The following MX1 variants were observed in gnomAD, a reference collection of about 807,000 sequenced individuals.
MX1 encodes interferon-induced GTP-binding protein Mx1.
Under a neutral mutation model 66.4 loss-of-function variants are expected in MX1, and 66 were observed. The observed-to-expected ratio is 0.99, with a 90% CI of 0.82 to 1.22. The LOEUF (loss-of-function observed/expected upper bound fraction) is 1.22, where lower values mean the gene tolerates loss of function less well. MX1 is among the 50% of genes most tolerant of loss of function. MX1 has a pLI of 0.00. For synonymous variants in MX1, 311 were observed against 318.1 expected (o/e 0.98, Z 0.24); for missense variants, 787 against 834.3 (o/e 0.94, Z 0.70).
chr21:41,436,584 T>C (rs2090369053), intron 6 of MX1, among the ~76,000 whole-genome samples: 1 of 152,088 alleles, frequency 6.6e-6, no homozygotes, highest in African/African-American at 2.4e-5. Flanking sequence ...GTAGGAAGAA[T>C]ATGGAAGGAG....
upstream of MX1, among the ~76,000 whole-genome samples, chr21:41,422,527 C>G (rs1021424686): frequency 1.3e-5 from 2 of 152,234 alleles, no homozygotes; most frequent in South Asian, 2.1e-4. Flanking sequence ...AACAAAGCCT[C>G]TGAGTGTGAC....
rs1006613844 is a variant in MX1, at chr21:41,441,533, G to A, written c.731-183G>A. The stretch of plus-strand genomic sequence containing the variant: ...CTGGGAGGCATCCCTGCCTTCACGC[G>A]GCTTGTCGTGGAGTTCTTTTCTGGA... On this transcript the variant is annotated intron_variant, in intron 9 of 16. Coordinates refer to ENST00000398598, the MANE Select transcript of MX1 (RefSeq NM_002462.5). This position sits in a 1 kb window ranked among gnomAD's most constrained non-coding sequence, Gnocchi z 4.0. The A allele has an allele frequency of 4.0e-5, 25 of 631,074 alleles. No homozygotes were observed. The highest frequency in any genetic ancestry group is 2.8e-4 in the Admixed American group (10 of 36,208). 39.1% of individuals were successfully genotyped at this position (631,074 alleles called of 1,614,324 possible). A position where few individuals can be genotyped will look rare whatever the true frequency, so the allele number is the denominator to read the frequency against.
In MX1 at chr21:41,437,033, C is replaced by G. The variant is rs906108024; in HGVS notation, c.317C>G (p.Pro106Arg). 6.2e-7 allele frequency: 1 copy of G among 1,613,754 alleles called. No individual in the cohort carries two copies. Among genetic ancestry groups the G allele is most frequent in the Admixed American group, 1.7e-5 (1 of 59,990 alleles). ...CTCCTAGGGATCGTGACCAGATGCC[C>G]GCTGGTGCTGAAACTGAAGAAACTT... ...PRGSGIVTRCPLVLKLKKLVN... is the reference protein window; with the variant it reads ...PRGSGIVTRCRLVLKLKKLVN... Residue 106 changes from proline (P) to arginine (R), a missense_variant, in exon 7 of 17, where the codon CCG (proline) becomes CGG (arginine). By Grantham distance (103) the Pro-to-Arg change is moderately radical. Coordinates refer to ENST00000398598, the MANE Select transcript of MX1 (RefSeq NM_002462.5).
Position 41,439,698 on chromosome 21 carries a change from G to C in MX1, c.441G>C (p.Gln147His). Residue 147 changes from glutamine to histidine, a missense_variant, in exon 8 of 17, where the codon CAG (glutamine) becomes CAC (histidine). By Grantham distance (24) the Gln-to-His change is conservative (BLOSUM62 0). Transcript: ENST00000398598. ...TTTTCCCTGTCTCTTTTCTAGCCCAGAATGCCATCGCCGGGGAAGGAATGG... is the reference window on the plus strand; with the variant it reads ...TTTTCCCTGTCTCTTTTCTAGCCCACAATGCCATCGCCGGGGAAGGAATGG... Reference protein sequence around the residue: ...SEVEKEINKAQNAIAGEGMGI... With the variant: ...SEVEKEINKAHNAIAGEGMGI... 6.2e-7 allele frequency: 1 copy of C among 1,613,552 alleles called. No individual in the cohort carries two copies. Among genetic ancestry groups the C allele is most frequent in the Non-Finnish European group, 8.5e-7 (1 of 1,179,540 alleles).
At chr21:41,458,488 T>TGTCCCCTCCTCACAGC in intron 16 of MX1, 40 bp from the exon 17 acceptor site, 1 of 1,610,622 alleles carries the variant, frequency 6.2e-7, no homozygotes, top group East Asian at 2.2e-5. Context: ...CTCCTCACAG[T>TGTCCCCTCCTCACAGC]GTCCCCTCCA....
intron 2 of MX1, among the ~76,000 whole-genome samples, 185 bp from the exon 3 acceptor site, chr21:41,427,570 T>C (rs2090096188): frequency 6.6e-6 from 1 of 152,188 alleles, no homozygotes; most frequent in African/African-American, 2.4e-5. Context: ...AAGTGTAGCC[T>C]CTTCCATCTT....
rs1462592910 is a variant in MX1 at position 41,441,541 on chromosome 21, G to A, written c.731-175G>A. On this transcript the variant is annotated intron_variant, in intron 9 of 16. Coordinates refer to ENST00000398598, the MANE Select transcript of MX1 (RefSeq NM_002462.5). The surrounding 1 kb of genome is among the most constrained non-coding windows in gnomAD (Gnocchi z 4.0). The stretch of plus-strand genomic sequence containing the variant: ...CATCCCTGCCTTCACGCGGCTTGTC[G>A]TGGAGTTCTTTTCTGGAGCGGGGCT... 1.7e-5 allele frequency: 11 copies of A among 655,214 alleles called. No individual in the cohort carries two copies. The highest frequency in any genetic ancestry group is 2.7e-5 in the East Asian group (1 of 36,988). The allele number at this position is 655,214 out of a possible 1,614,324, so 40.6% of individuals were successfully genotyped here.
At chr21:41,439,669 T>G in intron 7 of MX1, 25 bp from the exon 8 acceptor site, 1 of 1,610,354 alleles carries the variant, frequency 6.2e-7, no homozygotes, top group South Asian at 1.1e-5. Context: ...CTGTTTGGGT[T>G]TGATTTTCCC....
upstream of MX1, chr21:41,421,782 T>A (rs1385241738): frequency 6.5e-6 from 1 of 153,302 alleles, no homozygotes; most frequent in Admixed American, 6.5e-5. Context: ...CTCCTATGTC[T>A]ACTTCTTTCT....
chr21:41,433,829 T>G (rs1044173423), intron 5 of MX1, among the ~76,000 whole-genome samples: 2 of 152,124 alleles, frequency 1.3e-5, no homozygotes, highest in African/African-American at 4.8e-5. Context: ...CTTTTGTAAA[T>G]AGATAGTATA....
chr21:41,426,391 G>C (rs139557023), intron 1 of MX1, 128 bp downstream of exon 1: 2,382 of 152,444 alleles, frequency 0.016, 38 homozygotes, highest in South Asian at 0.038. Flanking sequence ...CACCTTCTCG[G>C]CTGCTAGTAA....
chr21:41,435,339 A>G (rs1014123491), intron 5 of MX1, among the ~76,000 whole-genome samples: 13 of 152,134 alleles, frequency 8.5e-5, no homozygotes, highest in Admixed American at 5.2e-4. Flanking sequence ...TATTTCTTCA[A>G]ATATTTTTTT....
At position 41,441,093 on chromosome 21, in the gene MX1, G is replaced by A; in HGVS notation, c.730+68G>A. The A allele has an allele frequency of 1.4e-6, 2 of 1,439,924 alleles. No homozygotes were observed. Among genetic ancestry groups the A allele is most frequent in the South Asian group, 1.5e-5 (1 of 65,382 alleles). 89.2% of individuals were successfully genotyped at this position (1,439,924 alleles called of 1,614,324 possible). A position where few individuals can be genotyped will look rare whatever the true frequency, so the allele number is the denominator to read the frequency against. On this transcript the variant is annotated intron_variant, in intron 9 of 16. Transcript: ENST00000398598. This position sits in a 1 kb window ranked among gnomAD's most constrained non-coding sequence, Gnocchi z 4.0. ...AGCCCGCCTGTGCTCGGTGAGAATG[G>A]GGGAGCCCACCTGTGCTCGGTGAGA...
At chr21:41,456,008 G>C (rs1316530514) in intron 16 of MX1, among the ~76,000 whole-genome samples, 1 of 152,204 alleles carries the variant, frequency 6.6e-6, no homozygotes, top group Admixed American at 6.5e-5. Context: ...CTGGAAGGCT[G>C]AGGTGGGTGG....
At chr21:41,422,212 C>T (rs946783311), upstream of MX1, 2 of 152,232 alleles carry the variant, frequency 1.3e-5, no homozygotes, top group African/African-American at 4.8e-5. Flanking sequence ...CTCACCACAA[C>T]CAAGATGGCC....
rs760637671 is a variant in MX1, at chr21:41,446,036, A to G, written c.1168A>G (p.Met390Val). ...CTTTAATCAGGACATCACTGCTCTC[A>G]TGCAAGGAGAGGAAACTGTAGGGGA... ...NAFNQDITAL[M>V]QGEETVGEED... Residue 390 changes from methionine to valine, a missense_variant, in exon 13 of 17, where the codon ATG becomes GTG. By Grantham distance (21) the Met-to-Val change is conservative. Transcript: ENST00000398598. 6.2e-7 allele frequency: 1 copy of G among 1,613,472 alleles called. No homozygotes were observed. The highest frequency in any genetic ancestry group is 1.3e-5 in the African/African-American group (1 of 75,034).
At position 41,455,353 on chromosome 21, in the gene MX1, G is replaced by A. The variant is rs115386206; in HGVS notation, c.1758+2484G>A. 4.5e-3 allele frequency among the ~76,000 whole-genome samples: 686 copies of A among 152,320 alleles called. 5 individuals are homozygous for A. Among genetic ancestry groups the A allele is most frequent in the African/African-American group, 0.016 (646 of 41,572 alleles). On this transcript the variant is annotated intron_variant, in intron 16 of 16. Coordinates refer to ENST00000398598, the MANE Select transcript of MX1 (RefSeq NM_002462.5). ...GCACGTGAGTGAAGCCAGTTAAGGGGAAGACAGGCATGCACATCAGCTTCT... is the reference window on the plus strand; with the variant it reads ...GCACGTGAGTGAAGCCAGTTAAGGGAAAGACAGGCATGCACATCAGCTTCT...
intron 5 of MX1, among the ~76,000 whole-genome samples, chr21:41,435,297 G>A (rs1401803387): frequency 2.6e-5 from 4 of 152,060 alleles, no homozygotes; most frequent in African/African-American, 9.7e-5. Flanking sequence ...TGGGTTTATG[G>A]TTTTCATTAA....
At chr21:41,457,827 C>G (rs1434268828) in intron 16 of MX1, among the ~76,000 whole-genome samples, 1 of 152,190 alleles carries the variant, frequency 6.6e-6, no homozygotes, top group Non-Finnish European at 1.5e-5. Context: ...CACACTGAAA[C>G]TCTGTCCCCA....
Sources: allele counts gnomAD v4.1 joint callset (sites outside exome capture counted in the v4.1 genomes callset), GRCh38; gene constraint gnomAD v4.1.1; non-coding constraint Gnocchi (gnomAD v3.1); transcripts MANE v1.5; gene names NCBI Gene and HGNC (gene_info 2026-07-23, HGNC 2026-07-21).